COBL: variants seen among roughly 807,000 people sequenced by gnomAD.
COBL encodes protein cordon-bleu.
COBL carries 51 observed loss-of-function variants against 98.8 expected under a neutral mutation model. The ratio of observed to expected loss-of-function variants is 0.52; its 90% CI spans 0.41 to 0.65. The LOEUF is 0.65. COBL is among the 30% of genes least tolerant of loss of function. The probability of loss-of-function intolerance (pLI) is 0.00; values close to 1 mark genes in which losing one functional copy is unlikely to be tolerated. For synonymous variants in COBL, 634 were observed against 651.7 expected (o/e 0.97, Z 0.41); for missense variants, 1,617 against 1,617.5 (o/e 1.00, Z 0.01).
chr7:51,166,822 T>A (rs182808281), intron 5 of COBL, among the ~76,000 whole-genome samples: 1 of 152,282 alleles, frequency 6.6e-6, no homozygotes, highest in East Asian at 1.9e-4. Flanking sequence ...ATCAGTGTGA[T>A]ACATTACATC....
intron 1 of COBL, among the ~76,000 whole-genome samples, chr7:51,264,572 G>A (rs1047923460): frequency 6.7e-6 from 1 of 149,876 alleles, no homozygotes; most frequent in African/African-American, 2.5e-5. Flanking sequence ...TCGGGAGGCT[G>A]AGGAAGGAGA....
chr7:51,162,793 T>TG (rs1443899197), intron 5 of COBL, among the ~76,000 whole-genome samples: 1 of 152,228 alleles, frequency 6.6e-6, no homozygotes, highest in Non-Finnish European at 1.5e-5. Context: ...AACACCCCAA[T>TG]GATGTAGGCT....
intron 3 of COBL, among the ~76,000 whole-genome samples, chr7:51,191,482 T>C (rs1044741462): frequency 6.6e-6 from 1 of 151,322 alleles, no homozygotes; most frequent in Non-Finnish European, 1.5e-5. Flanking sequence ...AAACATGACA[T>C]CAAAGTTTTA....
In COBL at chr7:51,132,000, C is replaced by T. The variant is rs184283456; in HGVS notation, c.957+4158G>A. 9.9e-5 allele frequency among the ~76,000 whole-genome samples: 15 copies of T among 152,264 alleles called. No individual in the cohort carries two copies. In the East Asian group the frequency reaches 2.5e-3, roughly 25 times the overall value. On this transcript the variant is annotated intron_variant, in intron 6 of 12. Coordinates refer to ENST00000265136, the MANE Select transcript of COBL (RefSeq NM_015198.5). ...TGAGTAGGGTGTTTGTAGTTTGTGGCTGAGAAGGGAAAATACCACCAACAG... is the reference window on the plus strand; with the variant it reads ...TGAGTAGGGTGTTTGTAGTTTGTGGTTGAGAAGGGAAAATACCACCAACAG...
At chr7:51,097,152 G>A (rs1381420339) in intron 6 of COBL, among the ~76,000 whole-genome samples, 3 of 152,100 alleles carry the variant, frequency 2.0e-5, no homozygotes. Flanking sequence ...AATCACACGG[G>A]ATTTATTCCT....
intron 6 of COBL, among the ~76,000 whole-genome samples, chr7:51,113,088 T>C (rs1439250011): frequency 1.3e-5 from 2 of 152,166 alleles, no homozygotes; most frequent in African/African-American, 2.4e-5. Flanking sequence ...CAGTAACATC[T>C]CTTGGAGAGG....
intron 1 of COBL, among the ~76,000 whole-genome samples, chr7:51,298,332 C>T (rs774960252): frequency 7.7e-4 from 117 of 152,348 alleles, no homozygotes; most frequent in African/African-American, 2.3e-3. Flanking sequence ...AGACTTGCTA[C>T]GTAGCAATAG....
rs1256498214 is a variant in COBL at position 51,075,770 on chromosome 7, GT to G, written c.1096+9395del. 2.6e-5 allele frequency among the ~76,000 whole-genome samples: 4 copies of G among 152,104 alleles called. No homozygotes were observed. In the East Asian group the frequency reaches 5.8e-4, roughly 22 times the overall value. On this transcript the variant is annotated intron_variant, in intron 7 of 12. Coordinates refer to ENST00000265136, the MANE Select transcript of COBL (RefSeq NM_015198.5). ...TAGCAAAAAGAAATAGGCTCATAAG[GT>G]TTTTTTGAAAAGCTATATATAGATC...
At chr7:51,235,182 G>A (rs900880941) in intron 1 of COBL, among the ~76,000 whole-genome samples, 4 of 152,120 alleles carry the variant, frequency 2.6e-5, no homozygotes, top group Non-Finnish European at 5.9e-5. Context: ...GACAGCCCAC[G>A]AAGAAACACA....
At chr7:51,174,990 T>C (rs1414179155) in intron 5 of COBL, among the ~76,000 whole-genome samples, 1 of 152,096 alleles carries the variant, frequency 6.6e-6, no homozygotes, top group Non-Finnish European at 1.5e-5. Flanking sequence ...ACCAGCAACA[T>C]ATTGGGTCCC....
At chr7:51,175,058 A>G (rs1479612952) in intron 5 of COBL, among the ~76,000 whole-genome samples, 2 of 152,186 alleles carry the variant, frequency 1.3e-5, no homozygotes, top group Non-Finnish European at 2.9e-5. Context: ...GGACCACCCT[A>G]TGATTTTCAC....
At position 51,183,616 on chromosome 7, in the gene COBL, G is replaced by A. The variant is rs73316857; in HGVS notation, c.783+486C>T. Among the ~76,000 whole-genome samples, 1,263 of 152,208 alleles carry A rather than the reference G, an allele frequency of 8.3e-3. 18 individuals are homozygous for A. The highest frequency in any genetic ancestry group is 0.029 in the African/African-American group (1,185 of 41,518). On this transcript the variant is annotated intron_variant, in intron 5 of 12. Transcript: ENST00000265136. ...GTACATTCCCAGATCATATCAGGAG[G>A]ACCAAAGAACATCTAAAAATTACTA...
chr7:51,016,879 G>T lies in COBL; in HGVS notation c.*672C>A. The stretch of plus-strand genomic sequence containing the variant: ...GGACTCGGGCATGCCCTGGCCACAT[G>T]ATCACGTAGGACTGTTTTCTGGGTG... On this transcript the variant is annotated 3_prime_UTR_variant, in exon 13 of 13. Coordinates refer to ENST00000265136, the MANE Select transcript of COBL (RefSeq NM_015198.5). 2.5e-6 allele frequency: 1 copy of T among 399,120 alleles called. No homozygotes were observed. The highest frequency in any genetic ancestry group is 1.3e-4 in the South Asian group (1 of 7,778). The allele number at this position is 399,120 out of a possible 1,614,324, so 24.7% of individuals were successfully genotyped here. A position where few individuals can be genotyped will look rare whatever the true frequency, so the allele number is the denominator to read the frequency against.
chr7:51,252,907 T>C (rs1053087977), intron 1 of COBL, among the ~76,000 whole-genome samples: 3 of 152,166 alleles, frequency 2.0e-5, no homozygotes, highest in Non-Finnish European at 4.4e-5. Flanking sequence ...CAGGTCAAGG[T>C]TGCAAAATGA....
At chr7:51,129,933 A>G (rs1159427978) in intron 6 of COBL, among the ~76,000 whole-genome samples, 1 of 152,208 alleles carries the variant, frequency 6.6e-6, no homozygotes, top group African/African-American at 2.4e-5. Context: ...GAGCATGAGC[A>G]GAAGCAGGGT....
intron 7 of COBL, among the ~76,000 whole-genome samples, chr7:51,051,752 A>G (rs374251773): frequency 6.6e-6 from 1 of 152,230 alleles, no homozygotes; most frequent in East Asian, 1.9e-4. Context: ...GTGAAGTTCC[A>G]CAGGGACAGA....
At chr7:51,233,224 C>G (rs544008785) in intron 1 of COBL, among the ~76,000 whole-genome samples, 1 of 152,214 alleles carries the variant, frequency 6.6e-6, no homozygotes, top group African/African-American at 2.4e-5. Context: ...CAGAGACAGG[C>G]TGGCCAAATC....
intron 6 of COBL, among the ~76,000 whole-genome samples, chr7:51,129,882 T>A (rs1255172034): frequency 6.6e-6 from 1 of 152,158 alleles, no homozygotes; most frequent in African/African-American, 2.4e-5. Flanking sequence ...TAGATACCTG[T>A]TGCTCTAGCG....
At chr7:51,233,162 C>A (rs17134201) in intron 1 of COBL, among the ~76,000 whole-genome samples, 3,254 of 152,226 alleles carry the variant, frequency 0.021, 106 homozygotes, top group African/African-American at 0.074. Flanking sequence ...GCATAACAGG[C>A]ATCTAATTAT....
Sources: gnomAD v4.1 joint callset for allele counts (sites outside exome capture counted in the v4.1 genomes callset) on GRCh38, gnomAD v4.1.1 for gene constraint, MANE v1.5 for transcripts, NCBI Gene and HGNC (gene_info 2026-07-23, HGNC 2026-07-21) for gene names.